The following ENTREP2 variants were observed in gnomAD, a reference collection of about 807,000 sequenced individuals.
ENTREP2 encodes endosomal transmembrane epsin interactor 2, also known as protein ENTREP2.
chr15:29,228,100 G>A, the ENTREP2 span, among the ~76,000 whole-genome samples: 1 of 152,130 alleles, frequency 6.6e-6, no homozygotes, highest in African/African-American at 2.4e-5. Flanking sequence ...GGGAGGCTGA[G>A]GCGGGTGGAT....
the ENTREP2 span, among the ~76,000 whole-genome samples, chr15:29,568,534 A>T: frequency 1.1e-3 from 142 of 124,016 alleles, no homozygotes; most frequent in South Asian, 4.3e-3. Context: ...CCCATCTCTT[A>T]AAAAAAAAAT....
the ENTREP2 span, among the ~76,000 whole-genome samples, chr15:29,571,281 G>T: frequency 2.0e-5 from 3 of 152,252 alleles, no homozygotes; most frequent in African/African-American, 4.8e-5. Context: ...CTCCGCGGCG[G>T]AGCCCTGGGT....
chr15:29,269,898 A>G, the ENTREP2 span: 1 of 533,312 alleles, frequency 1.9e-6, no homozygotes. Context: ...GGCGGGTACC[A>G]AAAGGAACAG....
At chr15:29,265,311 T>A in the ENTREP2 span, 1 of 152,150 alleles carries the variant, frequency 6.6e-6, no homozygotes, top group Admixed American at 6.5e-5. Context: ...ATAAAAGGCT[T>A]TAAGAATTGA....
the ENTREP2 span, among the ~76,000 whole-genome samples, chr15:29,162,973 TCA>T: frequency 6.6e-6 from 1 of 152,108 alleles, no homozygotes; most frequent in Non-Finnish European, 1.5e-5. Flanking sequence ...CATAGACGGT[TCA>T]CATCACAGGA....
the ENTREP2 span, chr15:29,117,910 C>A: frequency 7.5e-6 from 1 of 133,498 alleles, no homozygotes; most frequent in African/African-American, 2.8e-5. Context: ...AGGTGTCTGC[C>A]CCCTCTTTAA....
the ENTREP2 span, among the ~76,000 whole-genome samples, chr15:29,571,116 G>GCGGGAGCTGGGACC: frequency 3.3e-5 from 5 of 151,146 alleles, no homozygotes; most frequent in Non-Finnish European, 5.9e-5. Context: ...TGGGGCGGGA[G>GCGGGAGCTGGGACC]CGGGAGCCGG....
chr15:29,265,900 T>C, the ENTREP2 span: 1 of 152,118 alleles, frequency 6.6e-6, no homozygotes, highest in South Asian at 2.1e-4. Flanking sequence ...TTTGAACACT[T>C]AGGGAAAAAA....
At chr15:29,423,587 A>C in the ENTREP2 span, among the ~76,000 whole-genome samples, 1 of 151,260 alleles carries the variant, frequency 6.6e-6, no homozygotes, top group Non-Finnish European at 1.5e-5. Flanking sequence ...GGAGATCGAG[A>C]CCATCCTGGC....
chr15:29,611,100 G>A, the ENTREP2 span: 1 of 152,144 alleles, frequency 6.6e-6, no homozygotes, highest in Admixed American at 6.6e-5. Flanking sequence ...GAGATACTTT[G>A]CCTATAGAAA....
the ENTREP2 span, among the ~76,000 whole-genome samples, chr15:29,524,734 T>C: frequency 6.6e-6 from 1 of 152,170 alleles, no homozygotes; most frequent in Non-Finnish European, 1.5e-5. Context: ...GGGGTGTCAG[T>C]CAGTGGCAGG....
the ENTREP2 span, among the ~76,000 whole-genome samples, chr15:29,654,102 T>C: frequency 6.6e-6 from 1 of 152,326 alleles, no homozygotes; most frequent in Admixed American, 6.5e-5. Context: ...ATACTTATCT[T>C]AAATATTAGA....
chr15:29,641,907 G>A, the ENTREP2 span, among the ~76,000 whole-genome samples: 1 of 150,966 alleles, frequency 6.6e-6, no homozygotes, highest in South Asian at 2.1e-4. Context: ...AAAATACCTA[G>A]GAGTAAATTT....
the ENTREP2 span, among the ~76,000 whole-genome samples, chr15:29,175,853 G>A: frequency 6.6e-6 from 1 of 152,172 alleles, no homozygotes; most frequent in Non-Finnish European, 1.5e-5. Context: ...TGATCCACCC[G>A]CCTTGGCCTC....
chr15:29,395,446 T>C, the ENTREP2 span, among the ~76,000 whole-genome samples: 5 of 152,204 alleles, frequency 3.3e-5, no homozygotes, highest in East Asian at 1.9e-4. Context: ...TAATTACAAA[T>C]AGAATTACCA....
the ENTREP2 span, among the ~76,000 whole-genome samples, chr15:29,323,690 C>A: frequency 1.3e-5 from 2 of 151,966 alleles, no homozygotes; most frequent in South Asian, 2.1e-4. Context: ...CCAGTGAGGT[C>A]TGAGGTTATT....
the ENTREP2 span, among the ~76,000 whole-genome samples, chr15:29,278,814 TG>T: frequency 6.6e-6 from 1 of 152,232 alleles, no homozygotes; most frequent in African/African-American, 2.4e-5. Flanking sequence ...ACATGTGCAC[TG>T]GTTTCCTGGG....
At chr15:29,649,727 C>CAAAAAAAAAAA in the ENTREP2 span, among the ~76,000 whole-genome samples, 40 of 66,472 alleles carry the variant, frequency 6.0e-4, no homozygotes, top group South Asian at 1.5e-3. Flanking sequence ...TCAACAACAA[C>CAAAAAAAAAAA]AAAAAAAAAA....
At chr15:29,289,115 G>C in the ENTREP2 span, among the ~76,000 whole-genome samples, 30 of 151,874 alleles carry the variant, frequency 2.0e-4, no homozygotes, top group African/African-American at 6.3e-4. Flanking sequence ...GCTGAGGTGG[G>C]AGGATTGCTT....
Sources: allele counts gnomAD v4.1 joint callset (sites outside exome capture counted in the v4.1 genomes callset), GRCh38; gene constraint gnomAD v4.1.1; transcripts MANE v1.5; gene names NCBI Gene and HGNC (gene_info 2026-07-23, HGNC 2026-07-21).